APPL2: variants seen among roughly 807,000 people sequenced by gnomAD.
The protein encoded by APPL2 is adaptor protein, phosphotyrosine interacting with PH domain and leucine zipper 2.
In APPL2, 84 loss-of-function variants were observed where a neutral mutation model predicts 92.7. The ratio of observed to expected loss-of-function variants is 0.91; its 90% CI spans 0.76 to 1.09. The LOEUF is 1.09. APPL2 is among the 50% of genes least tolerant of loss of function. The pLI is 0.00. For missense variants in APPL2, 736 were observed against 824.5 expected (o/e 0.89, Z 1.31); for synonymous variants, 291 against 291.0 (o/e 1.00, Z 0.00).
intron 9 of APPL2, 80 bp from the exon 10 acceptor site, chr12:105,199,611 C>G (rs555568130): frequency 2.0e-6 from 3 of 1,481,662 alleles, no homozygotes; most frequent in Admixed American, 2.0e-5. Flanking sequence ...AGCCATCACT[C>G]CACCCCCGCA....
intron 20 of APPL2, 61 bp from the exon 21 acceptor site, chr12:105,174,509 T>C: frequency 1.3e-6 from 2 of 1,544,108 alleles, no homozygotes. Flanking sequence ...TTAAACCCCT[T>C]TGGCCTGGCT....
intron 2 of APPL2, among the ~76,000 whole-genome samples, chr12:105,224,567 A>G (rs1890356206): frequency 6.6e-6 from 1 of 152,178 alleles, no homozygotes; most frequent in South Asian, 2.1e-4. Flanking sequence ...CAGCTGTGTG[A>G]CCTTAGGCAA....
chr12:105,185,509 C>T (rs1226625428), intron 17 of APPL2, among the ~76,000 whole-genome samples: 3 of 152,056 alleles, frequency 2.0e-5, no homozygotes, highest in South Asian at 2.1e-4. Context: ...GGGAGTTCCC[C>T]GACCCCTTGT....
chr12:105,234,093 C>T (rs1434512352), intron 1 of APPL2, among the ~76,000 whole-genome samples: 1 of 152,154 alleles, frequency 6.6e-6, no homozygotes, highest in Admixed American at 6.5e-5. Context: ...ACAACAGCAC[C>T]ATCAAGAGCC....
chr12:105,176,817 CTT>C (rs1420790994), intron 19 of APPL2, 57 bp downstream of exon 19: 8 of 1,578,260 alleles, frequency 5.1e-6, no homozygotes, highest in Non-Finnish European at 6.9e-6. Context: ...CCAGAAAACT[CTT>C]TTAAAATGGA....
rs779888034 is a variant in APPL2 at position 105,195,639 on chromosome 12, G to C, written c.1053-12C>G. 1.9e-6 allele frequency: 3 copies of C among 1,613,930 alleles called. No individual in the cohort carries two copies. The highest frequency in any genetic ancestry group is 1.6e-4 in the Middle Eastern group (1 of 6,080). On this transcript the variant is annotated splice_polypyrimidine_tract_variant and intron_variant, in intron 11 of 20. Transcript: ENST00000258530. Reference sequence around the variant, plus strand: ...GGAGGATTATTCCCCTGAAACAAAAGTGTCTAAGTAATTAAGTGCTTCCCT... The same window carrying C: ...GGAGGATTATTCCCCTGAAACAAAACTGTCTAAGTAATTAAGTGCTTCCCT...
At chr12:105,195,786 G>A (rs1887588193) in intron 11 of APPL2, among the ~76,000 whole-genome samples, 159 bp from the exon 12 acceptor site, 1 of 152,168 alleles carries the variant, frequency 6.6e-6, no homozygotes, top group East Asian at 1.9e-4. Context: ...CAGGTGCAGT[G>A]GCTCATGCCT....
At chr12:105,210,162 G>A (rs1301494367) in intron 5 of APPL2, among the ~76,000 whole-genome samples, 11 of 151,982 alleles carry the variant, frequency 7.2e-5, no homozygotes, top group African/African-American at 1.5e-4. Flanking sequence ...AGGTTTCGCC[G>A]TGTTAGCCAG....
At chr12:105,228,950 G>A (rs984387393) in intron 2 of APPL2, among the ~76,000 whole-genome samples, 175 bp downstream of exon 2, 1 of 152,194 alleles carries the variant, frequency 6.6e-6, no homozygotes. Flanking sequence ...TAAGCAATGA[G>A]AACAGACTGT....
intron 17 of APPL2, among the ~76,000 whole-genome samples, chr12:105,178,669 A>C (rs1338680567): frequency 2.0e-5 from 3 of 152,198 alleles, no homozygotes; most frequent in Non-Finnish European, 4.4e-5. Flanking sequence ...GATCTTGTGC[A>C]AGTCACCCGG....
intron 7 of APPL2, 71 bp downstream of exon 7, chr12:105,207,900 A>G (rs1888873652): frequency 7.1e-7 from 1 of 1,405,716 alleles, no homozygotes; most frequent in Non-Finnish European, 1.0e-6. Flanking sequence ...TCATGCCATA[A>G]ATTCACAAGA....
At chr12:105,215,023 T>C (rs1459787625) in intron 4 of APPL2, among the ~76,000 whole-genome samples, 13 of 152,234 alleles carry the variant, frequency 8.5e-5, no homozygotes, top group African/African-American at 3.1e-4. Flanking sequence ...CCTTGCCCTA[T>C]GTATCACTTA....
intron 2 of APPL2, among the ~76,000 whole-genome samples, chr12:105,221,389 C>T (rs776891539): frequency 3.3e-5 from 5 of 152,184 alleles, no homozygotes; most frequent in African/African-American, 7.2e-5. Flanking sequence ...ATTTTGTAAA[C>T]GTGGAGACTA....
At chr12:105,174,487 C>T in intron 20 of APPL2, 39 bp from the exon 21 acceptor site, 1 of 1,594,192 alleles carries the variant, frequency 6.3e-7, no homozygotes, top group Non-Finnish European at 8.5e-7. Context: ...AAAGAAAAGG[C>T]TTAAGATGCA....
At position 105,197,773 on chromosome 12, in the gene APPL2, A is replaced by G; in HGVS notation, c.1044T>C (p.Asn348=). 2 of 1,614,176 alleles carry G rather than the reference A, an allele frequency of 1.2e-6. No homozygotes were observed. Among genetic ancestry groups the G allele is most frequent in the African/African-American group, 1.3e-5 (1 of 75,054 alleles). The change falls in exon 11 of 21, where the codon AAT becomes AAC. Residue 348 remains asparagine, a synonymous_variant. Transcript: ENST00000258530. ...AAACGCGTGAAACATACGATTTTCCATTGGGCGTGGTGATCTGGAAGCAGT... is the reference window on the plus strand; with the variant it reads ...AAACGCGTGAAACATACGATTTTCCGTTGGGCGTGGTGATCTGGAAGCAGT... The part of the protein sequence containing the change: ...RRYCFQITTP[N]GKSGIILQAE...
chr12:105,185,013 G>C (rs556762473), intron 17 of APPL2, among the ~76,000 whole-genome samples: 1 of 152,302 alleles, frequency 6.6e-6, no homozygotes, highest in Admixed American at 6.5e-5. Context: ...CGCTGCGGCA[G>C]GCTCAGCCCA....
intron 17 of APPL2, among the ~76,000 whole-genome samples, chr12:105,177,930 AC>A (rs1885714123): frequency 6.6e-6 from 1 of 152,082 alleles, no homozygotes; most frequent in Non-Finnish European, 1.5e-5. Context: ...AGCTGGGATT[AC>A]AGGTGTCAGC....
intron 2 of APPL2, among the ~76,000 whole-genome samples, chr12:105,226,935 G>C (rs1890552356): frequency 6.6e-6 from 1 of 151,864 alleles, no homozygotes; most frequent in Non-Finnish European, 1.5e-5. Context: ...CAACATAGTA[G>C]GACCTTATCT....
At chr12:105,226,685 C>T (rs1890535320) in intron 2 of APPL2, among the ~76,000 whole-genome samples, 1 of 152,144 alleles carries the variant, frequency 6.6e-6, no homozygotes, top group African/African-American at 2.4e-5. Flanking sequence ...TGCTGAATAG[C>T]AAGCAATTTC....
Sources: gnomAD v4.1 joint callset for allele counts (sites outside exome capture counted in the v4.1 genomes callset) on GRCh38, gnomAD v4.1.1 for gene constraint, MANE v1.5 for transcripts, NCBI Gene and HGNC (gene_info 2026-07-23, HGNC 2026-07-21) for gene names.